JPH3: variants seen among roughly 807,000 people sequenced by gnomAD.
JPH3 encodes the protein junctophilin 3.
A neutral mutation model predicts 59.6 loss-of-function variants in JPH3; 11 were observed. The ratio of observed to expected loss-of-function variants is 0.18; its 90% CI spans 0.12 to 0.31. The LOEUF is 0.31. Ranked by LOEUF, JPH3 falls within the 10% of genes least tolerant of loss-of-function variation. The pLI is 1.00. For missense variants in JPH3, 1,202 were observed against 1,105.7 expected (o/e 1.09, Z -1.24); for synonymous variants, 673 against 483.6 (o/e 1.39, Z -5.14).
At chr16:87,634,178 G>C (rs1356309065) in intron 1 of JPH3, among the ~76,000 whole-genome samples, 1 of 152,188 alleles carries the variant, frequency 6.6e-6, no homozygotes, top group Non-Finnish European at 1.5e-5. Flanking sequence ...CTGTTGGCCA[G>C]CGCAGGGCTC....
chr16:87,657,468 G>A (rs67537961), intron 2 of JPH3, among the ~76,000 whole-genome samples: 38,280 of 152,062 alleles, frequency 0.25, 4,963 homozygotes, highest in East Asian at 0.31. Context: ...CCCTGCAAGT[G>A]GACCGGTGAC....
chr16:87,641,836 T>C (rs1260410023), intron 1 of JPH3, among the ~76,000 whole-genome samples: 2 of 152,216 alleles, frequency 1.3e-5, no homozygotes, highest in African/African-American at 2.4e-5. Flanking sequence ...GCAACACAAG[T>C]CCCTCTGGGG....
chr16:87,644,214 TC>T, intron 1 of JPH3, 43 bp from the exon 2 acceptor site: 1 of 1,553,270 alleles, frequency 6.4e-7, no homozygotes, highest in Non-Finnish European at 8.7e-7. Flanking sequence ...CTGTGCCCCC[TC>T]CTCTGTCGCT....
intron 1 of JPH3, among the ~76,000 whole-genome samples, chr16:87,612,966 C>T (rs868028177): frequency 8.6e-5 from 13 of 150,738 alleles, no homozygotes; most frequent in Non-Finnish European, 1.5e-4. Context: ...GCGGAGCTTG[C>T]AGTGAGCCAA....
At chr16:87,635,905 C>G (rs2031727453) in intron 1 of JPH3, among the ~76,000 whole-genome samples, 1 of 152,194 alleles carries the variant, frequency 6.6e-6, no homozygotes. Flanking sequence ...CTGAGAGGGT[C>G]TGGAAGGAAG....
intron 2 of JPH3, among the ~76,000 whole-genome samples, chr16:87,665,338 C>G (rs1397346180): frequency 6.6e-6 from 1 of 152,108 alleles, no homozygotes; most frequent in Admixed American, 6.5e-5. Context: ...TGTGCAGGGT[C>G]TTGGGGTAGG....
intron 3 of JPH3, 95 bp downstream of exon 3, chr16:87,684,361 G>C (rs1049289222): frequency 2.7e-6 from 4 of 1,508,488 alleles, no homozygotes; most frequent in African/African-American, 2.8e-5. Flanking sequence ...AGAGCGGGTA[G>C]GCTTAGATGG....
intron 2 of JPH3, among the ~76,000 whole-genome samples, chr16:87,678,819 A>G (rs948824222): frequency 2.0e-5 from 3 of 152,214 alleles, no homozygotes; most frequent in African/African-American, 7.2e-5. Flanking sequence ...GCAGAGGCCG[A>G]GAGGCGGGAG....
chr16:87,632,913 G>A (rs1285029235), intron 1 of JPH3, among the ~76,000 whole-genome samples: 1 of 151,416 alleles, frequency 6.6e-6, no homozygotes, highest in Non-Finnish European at 1.5e-5. Flanking sequence ...AAAAAATTTT[G>A]GTAGAGACAG....
At chr16:87,661,546 C>A (rs754668432) in intron 2 of JPH3, among the ~76,000 whole-genome samples, 6 of 152,202 alleles carry the variant, frequency 3.9e-5, no homozygotes, top group Admixed American at 2.6e-4. Context: ...AGGTCACCAC[C>A]ATGTGTGACT....
At chr16:87,681,353 G>C in intron 2 of JPH3, among the ~76,000 whole-genome samples, 1 of 148,106 alleles carries the variant, frequency 6.8e-6, no homozygotes, top group Non-Finnish European at 1.5e-5. Context: ...AGTTCCGGGA[G>C]GTCAGGTGCG....
chr16:87,646,956 G>A (rs1184608802), intron 2 of JPH3, among the ~76,000 whole-genome samples: 1 of 152,166 alleles, frequency 6.6e-6, no homozygotes, highest in Non-Finnish European at 1.5e-5. Flanking sequence ...AGAGAAGCGG[G>A]TTCCCATTAA....
intron 2 of JPH3, among the ~76,000 whole-genome samples, chr16:87,658,167 GCAAA>G (rs547863810): frequency 4.4e-4 from 67 of 152,292 alleles, no homozygotes; most frequent in Middle Eastern, 3.4e-3. Flanking sequence ...CAGGTATTCA[GCAAA>G]CAGTGAATGG....
At chr16:87,684,586 C>A (rs2033372312) in intron 3 of JPH3, 1 of 353,712 alleles carries the variant, frequency 2.8e-6, no homozygotes, top group Admixed American at 4.3e-5. Flanking sequence ...TGCCCGCCCT[C>A]CCCCAGTGTT....
Position 87,625,361 on chromosome 16 carries a change from A to C in JPH3, c.383-18897A>C, listed in dbSNP as rs1359369113. 2.0e-5 allele frequency among the ~76,000 whole-genome samples: 3 copies of C among 152,234 alleles called. No individual in the cohort carries two copies. In the East Asian group the frequency reaches 5.8e-4, roughly 29 times the overall value. ...GTTTCCCTCCTCGGGGGTCCTGGCC[A>C]GTCACTCTCCTCCTCCACACCAGCC... is the stretch of plus-strand genomic sequence containing the variant. On this transcript the variant is annotated intron_variant, in intron 1 of 4. Transcript: ENST00000284262.
intron 2 of JPH3, among the ~76,000 whole-genome samples, chr16:87,673,242 G>A (rs927897253): frequency 1.3e-5 from 2 of 151,490 alleles, no homozygotes; most frequent in Admixed American, 6.6e-5. Flanking sequence ...AAAATCAACC[G>A]CACTCTTAAT....
chr16:87,619,578 G>A (rs559156450), intron 1 of JPH3, among the ~76,000 whole-genome samples: 139 of 152,316 alleles, frequency 9.1e-4, no homozygotes, highest in African/African-American at 3.0e-3. Context: ...CTCAGTCTGC[G>A]GCTTGGAGGG....
intron 4 of JPH3, among the ~76,000 whole-genome samples, chr16:87,692,652 AGGGTAAAG>A (rs2033627154): frequency 1.3e-5 from 2 of 152,136 alleles, no homozygotes; most frequent in East Asian, 3.9e-4. Flanking sequence ...CTGGCAATTC[AGGGTAAAG>A]TCCCTTAGGA....
intron 2 of JPH3, among the ~76,000 whole-genome samples, chr16:87,664,135 T>C (rs958306722): frequency 1.3e-5 from 2 of 150,170 alleles, no homozygotes; most frequent in African/African-American, 4.9e-5. Flanking sequence ...ATTGATAGCA[T>C]CCTGGCTAAC....
Sources: gnomAD v4.1 joint callset for allele counts (sites outside exome capture counted in the v4.1 genomes callset) on GRCh38, gnomAD v4.1.1 for gene constraint, MANE v1.5 for transcripts, NCBI Gene and HGNC (gene_info 2026-07-23, HGNC 2026-07-21) for gene names.